The following GABRR1 variants were observed in gnomAD, a reference collection of about 807,000 sequenced individuals.
GABRR1 encodes the protein gamma-aminobutyric acid receptor subunit rho-1.
Under a neutral mutation model 55.5 loss-of-function variants are expected in GABRR1, and 59 were observed. That is an observed-to-expected ratio of 1.06 (90% CI 0.86 to 1.32). GABRR1 has a LOEUF of 1.32. Ranked by LOEUF, GABRR1 falls within the 40% of genes most tolerant of loss-of-function variation. The pLI, the probability that GABRR1 is intolerant of heterozygous loss-of-function variation, is 0.00. For missense variants in GABRR1, 602 were observed against 619.1 expected (o/e 0.97, Z 0.29); for synonymous variants, 213 against 226.0 (o/e 0.94, Z 0.51).
chr6:89,183,937 T>C (rs1042965436), intron 7 of GABRR1, among the ~76,000 whole-genome samples: 6 of 152,064 alleles, frequency 3.9e-5, no homozygotes, highest in African/African-American at 1.2e-4. Flanking sequence ...AGGTGACAGA[T>C]GTACTAAAAT....
intron 1 of GABRR1, among the ~76,000 whole-genome samples, chr6:89,209,947 G>A (rs567831408): frequency 8.5e-5 from 13 of 152,148 alleles, no homozygotes; most frequent in African/African-American, 2.4e-4. Flanking sequence ...TGTTTGTGAC[G>A]TACAAAAACA....
intron 4 of GABRR1, 54 bp downstream of exon 4, chr6:89,199,308 C>T: frequency 6.5e-7 from 1 of 1,533,048 alleles, no homozygotes; most frequent in Middle Eastern, 1.8e-4. Flanking sequence ...GCTCCTGGCC[C>T]TGGACCGGCT....
intron 1 of GABRR1, chr6:89,212,135 C>T (rs1772850161): frequency 1.5e-6 from 1 of 662,128 alleles, no homozygotes; most frequent in Non-Finnish European, 1.8e-6. Context: ...CACCTGCTCT[C>T]CTTCCTGGCA....
chr6:89,196,751 T>C (rs1394449690), intron 5 of GABRR1, among the ~76,000 whole-genome samples: 1 of 147,302 alleles, frequency 6.8e-6, no homozygotes, highest in Non-Finnish European at 1.5e-5. Context: ...CACTCCAGCC[T>C]GGGCAATAGA....
At chr6:89,186,397 A>G (rs73754863) in intron 6 of GABRR1, among the ~76,000 whole-genome samples, 6,568 of 152,292 alleles carry the variant, frequency 0.043, 472 homozygotes, top group African/African-American at 0.15. Context: ...TAGAAGCAGA[A>G]ATGAGGCTTC....
intron 2 of GABRR1, 114 bp downstream of exon 2, chr6:89,203,321 T>A: frequency 2.1e-6 from 2 of 941,450 alleles, no homozygotes; most frequent in Non-Finnish European, 1.7e-6. Context: ...TCCCCCACCC[T>A]CCACTTTCTG....
intron 1 of GABRR1, chr6:89,204,531 A>C (rs527792135): frequency 1.2e-6 from 1 of 821,664 alleles, no homozygotes; most frequent in East Asian, 7.0e-5. Flanking sequence ...TGGGCACCTA[A>C]AAAGGGAGAC....
rs574656894 is a variant in GABRR1, at chr6:89,206,375, A to T, written c.123-2890T>A. On this transcript the variant is annotated intron_variant, in intron 1 of 9. Coordinates refer to ENST00000454853, the MANE Select transcript of GABRR1 (RefSeq NM_002042.5). ...CCAACTTCTTGCCGTTGTCAATTAC[A>T]TCTCTGTGCTTTGCTCCCGATGTCC... Among the ~76,000 whole-genome samples the T allele has an allele frequency of 8.5e-5, 13 of 152,204 alleles. No homozygotes were observed. The East Asian group carries it at 2.5e-3, about 29-fold the overall frequency.
At chr6:89,192,207 G>C (rs545598222) in intron 5 of GABRR1, among the ~76,000 whole-genome samples, 39 of 152,118 alleles carry the variant, frequency 2.6e-4, no homozygotes, top group Middle Eastern at 3.2e-3. Flanking sequence ...GGTGGAAGCT[G>C]ATACTTTCTT....
intron 7 of GABRR1, among the ~76,000 whole-genome samples, 187 bp from the exon 8 acceptor site, chr6:89,182,244 C>A (rs1771753190): frequency 6.6e-6 from 1 of 152,192 alleles, no homozygotes; most frequent in Non-Finnish European, 1.5e-5. Context: ...GTGAATCTAT[C>A]TCAAGAAACC....
chr6:89,181,860 C>A, intron 8 of GABRR1, 45 bp downstream of exon 8: 3 of 1,533,034 alleles, frequency 2.0e-6, no homozygotes, highest in Non-Finnish European at 2.7e-6. Context: ...TTGTTAATAC[C>A]TATATTTGCA....
At chr6:89,193,148 A>G (rs1772154979) in intron 5 of GABRR1, among the ~76,000 whole-genome samples, 1 of 152,148 alleles carries the variant, frequency 6.6e-6, no homozygotes, top group Admixed American at 6.6e-5. Context: ...AGTGACCTCT[A>G]TTCCTGTCTT....
At chr6:89,218,983 T>C (rs282112), upstream of GABRR1, among the ~76,000 whole-genome samples, 95,080 of 151,892 alleles carry the variant, frequency 0.63, 29,944 homozygotes, top group Non-Finnish European at 0.66. Flanking sequence ...ATAATAGACA[T>C]GGCGGGGCAC....
intron 5 of GABRR1, among the ~76,000 whole-genome samples, chr6:89,195,662 T>C (rs980708333): frequency 2.0e-5 from 3 of 152,236 alleles, no homozygotes; most frequent in African/African-American, 7.2e-5. Flanking sequence ...TAATTCACTA[T>C]CACCAGACTT....
chr6:89,220,903 A>G (rs1403163402), upstream of GABRR1, among the ~76,000 whole-genome samples: 1 of 152,066 alleles, frequency 6.6e-6, no homozygotes, highest in African/African-American at 2.4e-5. Flanking sequence ...TATTTTTAGT[A>G]GAGACGGGGT....
At chr6:89,217,135 G>C (rs1773010430) in intron 1 of GABRR1, 66 bp downstream of exon 1, 1 of 1,552,578 alleles carries the variant, frequency 6.4e-7, no homozygotes, top group Admixed American at 1.9e-5. Context: ...GTTTCTAGAA[G>C]AACACTGTAA....
Position 89,225,991 on chromosome 6 carries a change from T to G in GABRR1, c.-410-4545A>C, listed in dbSNP as rs1201931148. On this transcript the variant is annotated intron_variant, in intron 1 of 11. Transcript: ENST00000369451. ...GTGAGATGGTATCTCATAGTGGTCT[T>G]GATTTGCATTTCTCTGATGGCCAGT... 2.0e-5 allele frequency among the ~76,000 whole-genome samples: 3 copies of G among 151,680 alleles called. No homozygotes were observed. In the East Asian group the frequency reaches 5.8e-4, roughly 29 times the overall value.
chr6:89,191,636 A>G (rs757282410), intron 5 of GABRR1, among the ~76,000 whole-genome samples: 1 of 151,580 alleles, frequency 6.6e-6, no homozygotes, highest in African/African-American at 2.4e-5. Context: ...TGATGTAATC[A>G]AAGCTCATGT....
At chr6:89,224,819 G>A (rs1288674287) in intron 1 of GABRR1, among the ~76,000 whole-genome samples, 1 of 151,758 alleles carries the variant, frequency 6.6e-6, no homozygotes, top group African/African-American at 2.4e-5. Context: ...GTCTTGCTCT[G>A]TCACCCAGGC....
Sources: allele counts gnomAD v4.1 joint callset (sites outside exome capture counted in the v4.1 genomes callset), GRCh38; gene constraint gnomAD v4.1.1; transcripts MANE v1.5; gene names NCBI Gene and HGNC (gene_info 2026-07-23, HGNC 2026-07-21).